The following COX5B variants were observed in gnomAD, a reference collection of about 807,000 sequenced individuals.
COX5B encodes the protein cytochrome c oxidase subunit 5B.
COX5B carries 8 observed loss-of-function variants against 16.2 expected under a neutral mutation model. The observed-to-expected ratio is 0.49, with a 90% CI of 0.29 to 0.89. The LOEUF is 0.89. Among genes scored for constraint, COX5B ranks in the 40% least tolerant of loss-of-function variants. The pLI is 0.08. For synonymous variants in COX5B, 65 were observed against 67.6 expected (o/e 0.96, Z 0.19); for missense variants, 161 against 168.7 (o/e 0.95, Z 0.25).
chr2:97,646,525 C>T (rs1674656653), intron 1 of COX5B: 2 of 265,800 alleles, frequency 7.5e-6, no homozygotes, highest in Non-Finnish European at 1.4e-5. Context: ...AGACAAATGT[C>T]GACAAATTTG....
rs1283749105 is a variant in COX5B, at chr2:97,646,158, C to G, written c.72C>G (p.Gly24=). 1.3e-6 allele frequency: 2 copies of G among 1,552,028 alleles called. No individual in the cohort carries two copies. The highest frequency in any genetic ancestry group is 1.7e-6 in the Non-Finnish European group (2 of 1,147,364). ...AQALRARGPS[G]AAAMRSMASG... ...CCCTGAGGGCTCGCGGCCCCAGTGGCGCGGCCGCGATGCGCTCCATGGCAT... is the reference window on the plus strand; with the variant it reads ...CCCTGAGGGCTCGCGGCCCCAGTGGGGCGGCCGCGATGCGCTCCATGGCAT... Residue 24 remains glycine (G), a synonymous_variant, in exon 1 of 4, where the codon GGC becomes GGG. Coordinates refer to ENST00000258424, the MANE Select transcript of COX5B (RefSeq NM_001862.3).
At position 97,646,307 on chromosome 2, in the gene COX5B, C is replaced by G. The variant is rs1235604886; in HGVS notation, c.103+118C>G. On this transcript the variant is annotated intron_variant, in intron 1 of 3. Coordinates refer to ENST00000258424, the MANE Select transcript of COX5B (RefSeq NM_001862.3). ...GAGGTCCCAGTGGCCGCTTTACGGT[C>G]CCCAGTGCCTCAGGCTCTGCAGGCA... The G allele has an allele frequency of 6.3e-6, 4 of 636,092 alleles. No individual in the cohort carries two copies. In the East Asian group the frequency reaches 1.1e-4, roughly 18 times the overall value. 39.4% of individuals were successfully genotyped at this position (636,092 alleles called of 1,614,324 possible).
intron 1 of COX5B, 107 bp downstream of exon 1, chr2:97,646,296 C>A: frequency 1.5e-6 from 1 of 674,812 alleles, no homozygotes; most frequent in Non-Finnish European, 2.5e-6. Context: ...TCCCAGTGGC[C>A]GCTTTACGGT....
At chr2:97,646,342 A>G (rs1674653742) in intron 1 of COX5B, 153 bp downstream of exon 1, 2 of 577,846 alleles carry the variant, frequency 3.5e-6, no homozygotes, top group Non-Finnish European at 6.1e-6. Flanking sequence ...ATCTCCCTGT[A>G]ATTCTGGACC....
chr2:97,646,176 C>T lies in COX5B; in HGVS notation c.90C>T (p.Ser30=). 1 of 1,549,120 alleles carries T rather than the reference C, an allele frequency of 6.5e-7. No individual in the cohort carries two copies. The highest frequency in any genetic ancestry group is 1.4e-5 in the African/African-American group (1 of 73,066). Residue 30 remains serine (S), a synonymous_variant, in exon 1 of 4, where the codon TCC becomes TCT. Transcript: ENST00000258424. ...CCAGTGGCGCGGCCGCGATGCGCTC[C>T]ATGGCATCTGGAGGTACTCGGGTCT... The part of the protein sequence containing the change: ...RGPSGAAAMR[S]MASGGGVPTD...
chr2:97,647,981 T>A lies in COX5B; in HGVS notation c.278-15T>A. 6.2e-7 allele frequency: 1 copy of A among 1,610,138 alleles called. No individual in the cohort carries two copies. The highest frequency in any genetic ancestry group is 8.5e-7 in the Non-Finnish European group (1 of 1,178,188). On this transcript the variant is annotated splice_polypyrimidine_tract_variant and intron_variant, in intron 3 of 3. Transcript: ENST00000258424. ...CTAGGTTGGATGACCATAAACCACC[T>A]TTTTTCCCTTTTAGGTGAAGAGGAC... is the stretch of plus-strand genomic sequence containing the variant.
Position 97,647,436 on chromosome 2 carries a change from C to G in COX5B, c.270C>G (p.Gly90=). ...CCATCTCCAACAAGAGAATAGTAGG[C>G]TGCATCTGTAAGTACCTCACCTCTA... ...VPSISNKRIV[G]CICEEDNTSV... Residue 90 remains glycine (G), a synonymous_variant, in exon 3 of 4, where the codon GGC becomes GGG. Transcript: ENST00000258424. 1 of 1,613,118 alleles carries G rather than the reference C, an allele frequency of 6.2e-7. No individual in the cohort carries two copies. The highest frequency in any genetic ancestry group is 8.5e-7 in the Non-Finnish European group (1 of 1,179,210).
intron 3 of COX5B, among the ~76,000 whole-genome samples, chr2:97,647,731 C>T (rs1356145533): frequency 6.6e-6 from 1 of 152,128 alleles, no homozygotes; most frequent in African/African-American, 2.4e-5. Context: ...GGGATACATA[C>T]CAGAACGGAC....
At position 97,648,212 on chromosome 2, in the gene COX5B, C is replaced by A; in HGVS notation, c.*104C>A. ...CTCCCATAGATGGCTGGTCTTATTT[C>A]TTACCCGTATTCTTTGGTAGGCATG... On this transcript the variant is annotated 3_prime_UTR_variant, in exon 4 of 4. Coordinates refer to ENST00000258424, the MANE Select transcript of COX5B (RefSeq NM_001862.3). The A allele has an allele frequency of 2.1e-6, 2 of 972,654 alleles. No individual in the cohort carries two copies. Among genetic ancestry groups the A allele is most frequent in the Non-Finnish European group, 3.0e-6 (2 of 667,506 alleles). 60.3% of individuals were successfully genotyped at this position (972,654 alleles called of 1,614,324 possible).
In COX5B at chr2:97,648,079, A is replaced by G; in HGVS notation, c.361A>G (p.Lys121Glu). Residue 121 changes from lysine to glutamate, a missense_variant, in exon 4 of 4, where the codon AAG becomes GAG. By Grantham distance (56) the Lys-to-Glu change is moderately conservative (BLOSUM62 1). Transcript: ENST00000258424. The stretch of plus-strand genomic sequence containing the variant: ...ATGCCCCCGCTGTGGAGCCCATTAC[A>G]AGCTGGTGCCCCAGCAGCTGGCACA... ...QRCPRCGAHY[K>E]LVPQQLAH 6.2e-7 allele frequency: 1 copy of G among 1,609,358 alleles called. No individual in the cohort carries two copies. Among genetic ancestry groups the G allele is most frequent in the African/African-American group, 1.3e-5 (1 of 74,768 alleles).
chr2:97,647,008 T>G (rs1392349177), intron 1 of COX5B, 59 bp from the exon 2 acceptor site: 2 of 1,552,802 alleles, frequency 1.3e-6, no homozygotes, highest in Admixed American at 1.7e-5. Flanking sequence ...TCATTTCTGT[T>G]TGTAGTTTTT....
Position 97,648,072 on chromosome 2 carries a change from C to T in COX5B, c.354C>T (p.Ala118=), listed in dbSNP as rs1293293664. 3 of 1,610,592 alleles carry T rather than the reference C, an allele frequency of 1.9e-6. No homozygotes were observed. In the Admixed American group the frequency reaches 5.1e-5, roughly 27 times the overall value. The change falls in exon 4 of 4, where the codon GCC becomes GCT. Residue 118 remains alanine, a synonymous_variant. Transcript: ENST00000258424. ...GEAQRCPRCG[A]HYKLVPQQLA... ...CCCAGCGATGCCCCCGCTGTGGAGC[C>T]CATTACAAGCTGGTGCCCCAGCAGC...
Position 97,646,165 on chromosome 2 carries a change from G to A in COX5B, c.79G>A (p.Ala27Thr), listed in dbSNP as rs1283069998. 2 of 1,550,916 alleles carry A rather than the reference G, an allele frequency of 1.3e-6. No individual in the cohort carries two copies. Among genetic ancestry groups the A allele is most frequent in the Admixed American group, 2.0e-5 (1 of 51,056 alleles). ...GGCTCGCGGCCCCAGTGGCGCGGCC[G>A]CGATGCGCTCCATGGCATCTGGAGG... ...LRARGPSGAAAMRSMASGGGV... is the reference protein window; with the variant it reads ...LRARGPSGAATMRSMASGGGV... Residue 27 changes from alanine to threonine, a missense_variant, in exon 1 of 4, where the codon GCG becomes ACG. Coordinates refer to ENST00000258424, the MANE Select transcript of COX5B (RefSeq NM_001862.3).
Position 97,648,248 on chromosome 2 carries a change from A to T in COX5B, c.*140A>T. ...TCTTTGGTAGGCATGGAATATGCTT[A>T]TTTTGGGAAAAGCTGTCTGTTAATG... On this transcript the variant is annotated 3_prime_UTR_variant, in exon 4 of 4. Coordinates refer to ENST00000258424, the MANE Select transcript of COX5B (RefSeq NM_001862.3). The T allele has an allele frequency of 1.3e-6, 1 of 743,144 alleles. No individual in the cohort carries two copies. 46.0% of individuals were successfully genotyped at this position (743,144 alleles called of 1,614,324 possible).
At position 97,648,082 on chromosome 2, in the gene COX5B, C is replaced by T. The variant is rs1674688603; in HGVS notation, c.364C>T (p.Leu122=). 1.2e-6 allele frequency: 2 copies of T among 1,608,444 alleles called. No homozygotes were observed. Among genetic ancestry groups the T allele is most frequent in the African/African-American group, 2.7e-5 (2 of 74,590 alleles). The change falls in exon 4 of 4, where the codon CTG becomes TTG. Residue 122 remains leucine (L), a synonymous_variant. Transcript: ENST00000258424. ...CCCCCGCTGTGGAGCCCATTACAAG[C>T]TGGTGCCCCAGCAGCTGGCACACTG... ...RCPRCGAHYK[L]VPQQLAH
In COX5B at chr2:97,647,388, G is replaced by T. The variant is rs1361833683; in HGVS notation, c.222G>T (p.Arg74Ser). ...VLAPKGASGT[R>S]EDPNLVPSIS... is the part of the protein sequence containing the mutation. ...CCCCAAAGGGAGCTTCAGGCACCAG[G>T]GAAGACCCTAATTTAGTCCCCTCCA... The change falls in exon 3 of 4, where the codon AGG (arginine) becomes AGT (serine). Residue 74 changes from arginine (R) to serine (S), a missense_variant. Physicochemically the swap from Arg to Ser is moderately radical, Grantham distance 110. Coordinates refer to ENST00000258424, the MANE Select transcript of COX5B (RefSeq NM_001862.3). The T allele has an allele frequency of 7.4e-6, 12 of 1,614,022 alleles. No individual in the cohort carries two copies. Among genetic ancestry groups the T allele is most frequent in the Non-Finnish European group, 1.0e-5 (12 of 1,180,038 alleles).
chr2:97,646,931 G>A (rs781446087), intron 1 of COX5B, 136 bp from the exon 2 acceptor site: 62 of 771,100 alleles, frequency 8.0e-5, no homozygotes, highest in Non-Finnish European at 1.2e-4. Flanking sequence ...ATGGATATGA[G>A]TAGCCTTTAG....
rs1241030936 is a variant in COX5B, at chr2:97,646,112, C to T, written c.26C>T (p.Ala9Val). The change falls in exon 1 of 4, where the codon GCT becomes GTT. Residue 9 changes from alanine to valine, a missense_variant. By Grantham distance (64) the Ala-to-Val change is moderately conservative. Transcript: ENST00000258424. MASRLLRG[A>V]GTLAAQALRA... The stretch of plus-strand genomic sequence containing the variant: ...ATGGCTTCAAGGTTACTTCGCGGAG[C>T]TGGAACGCTGGCCGCGCAGGCCCTG... 6.4e-7 allele frequency: 1 copy of T among 1,556,784 alleles called. No homozygotes were observed. Among genetic ancestry groups the T allele is most frequent in the South Asian group, 1.2e-5 (1 of 84,430 alleles).
At chr2:97,647,262 C>A in intron 2 of COX5B, 82 bp from the exon 3 acceptor site, 1 of 1,520,150 alleles carries the variant, frequency 6.6e-7, no homozygotes, top group Non-Finnish European at 9.1e-7. Flanking sequence ...GTCCCCTGAG[C>A]TTCTGGAAGG....
Sources: allele counts gnomAD v4.1 joint callset (sites outside exome capture counted in the v4.1 genomes callset), GRCh38; gene constraint gnomAD v4.1.1; transcripts MANE v1.5; gene names NCBI Gene and HGNC (gene_info 2026-07-23, HGNC 2026-07-21).